The following SCIMP variants were observed in gnomAD, a reference collection of about 807,000 sequenced individuals.
SCIMP encodes SLP adaptor and CSK interacting membrane protein.
A neutral mutation model predicts 22.0 loss-of-function variants in SCIMP; 18 were observed. The observed-to-expected ratio is 0.82, with a 90% confidence interval of 0.56 to 1.21. SCIMP has a LOEUF of 1.21. SCIMP is among the 50% of genes most tolerant of loss of function. The pLI is 0.00. For synonymous variants in SCIMP, 53 were observed against 62.2 expected (o/e 0.85, Z 0.70); for missense variants, 155 against 171.2 (o/e 0.91, Z 0.53).
rs1452567645 is a variant in SCIMP at position 5,209,208 on chromosome 17, C to G, written c.*1593G>C. 3 of 152,258 alleles carry G rather than the reference C, an allele frequency of 2.0e-5. No homozygotes were observed. The South Asian group carries it at 6.2e-4, about 32-fold the overall frequency. The allele number at this position is 152,258 out of a possible 1,614,324, so 9.4% of individuals were successfully genotyped here. A position where few individuals can be genotyped will look rare whatever the true frequency, so the allele number is the denominator to read the frequency against. ...GGAGTGCAATGGCATGTTCTCGGCT[C>G]ACCGCAACCTCCGCCTCCCAGTTTC... is the stretch of plus-strand genomic sequence containing the variant. On this transcript the variant is annotated 3_prime_UTR_variant, in exon 5 of 5. Transcript: ENST00000574081.
intron 1 of SCIMP, among the ~76,000 whole-genome samples, chr17:5,225,882 C>T (rs1363689045): frequency 6.6e-6 from 1 of 151,968 alleles, no homozygotes; most frequent in Admixed American, 6.6e-5. Flanking sequence ...TTGGGGGCAG[C>T]AGTCTTGGGA....
intron 1 of SCIMP, among the ~76,000 whole-genome samples, chr17:5,226,468 A>G (rs899846731): frequency 6.6e-6 from 1 of 151,012 alleles, no homozygotes; most frequent in Admixed American, 6.6e-5. Flanking sequence ...AGTGAAATGG[A>G]CCGCAGAGAG....
intron 1 of SCIMP, among the ~76,000 whole-genome samples, chr17:5,227,139 C>T (rs778746745): frequency 6.6e-6 from 1 of 151,990 alleles, no homozygotes; most frequent in Non-Finnish European, 1.5e-5. Flanking sequence ...ACTGAAGGAT[C>T]GCAAAGAAGT....
intron 1 of SCIMP, among the ~76,000 whole-genome samples, chr17:5,225,510 C>T (rs1375541802): frequency 4.6e-5 from 7 of 152,174 alleles, no homozygotes; most frequent in Non-Finnish European, 1.0e-4. Context: ...CCTGTAATCT[C>T]ATAACTTTGG....
At chr17:5,213,034 C>T (rs1197727994) in intron 4 of SCIMP, 9 of 337,556 alleles carry the variant, frequency 2.7e-5, no homozygotes, top group Non-Finnish European at 3.2e-5. Context: ...TCTGAGCTGA[C>T]ATCTGAAGGA....
intron 3 of SCIMP, chr17:5,220,969 A>T (rs1373958118): frequency 2.5e-6 from 1 of 408,102 alleles, no homozygotes; most frequent in Non-Finnish European, 4.6e-6. Flanking sequence ...GAGGCAGGAG[A>T]ATTGCTTGAA....
chr17:5,231,138 T>A (rs958698699), intron 1 of SCIMP, among the ~76,000 whole-genome samples: 5 of 152,086 alleles, frequency 3.3e-5, no homozygotes, highest in Non-Finnish European at 7.4e-5. Context: ...GGTAGGCAGA[T>A]CACCTGAAGT....
At chr17:5,226,536 G>A (rs1433416904) in intron 1 of SCIMP, among the ~76,000 whole-genome samples, 2 of 132,190 alleles carry the variant, frequency 1.5e-5, no homozygotes, top group Non-Finnish European at 3.1e-5. Context: ...ATGAAGTCTC[G>A]CTCTTGTACC....
At position 5,209,710 on chromosome 17, in the gene SCIMP, G is replaced by A. The variant is rs1464431770; in HGVS notation, c.*1091C>T. 1 of 152,042 alleles carries A rather than the reference G, an allele frequency of 6.6e-6. No individual in the cohort carries two copies. Among genetic ancestry groups the A allele is most frequent in the Non-Finnish European group, 1.5e-5 (1 of 67,966 alleles). 9.4% of individuals were successfully genotyped at this position (152,042 alleles called of 1,614,324 possible). ...GCTAGAAGGAATTGATGAGGTCTAA[G>A]AGCCTATAAAGCTGACTCGGGCCTT... On this transcript the variant is annotated 3_prime_UTR_variant, in exon 5 of 5. Transcript: ENST00000574081.
chr17:5,228,425 C>G (rs2074668466), intron 1 of SCIMP, among the ~76,000 whole-genome samples: 1 of 151,352 alleles, frequency 6.6e-6, no homozygotes, highest in East Asian at 1.9e-4. Flanking sequence ...AGGAGGATCA[C>G]TGAAGGCCAG....
rs1393832581 is a variant in SCIMP at position 5,221,043 on chromosome 17, G to A, written c.209+244C>T. The A allele has an allele frequency of 9.9e-6, 6 of 605,392 alleles. No homozygotes were observed. In the Admixed American group the frequency reaches 1.1e-4, roughly 11 times the overall value. The allele number at this position is 605,392 out of a possible 1,614,324, so 37.5% of individuals were successfully genotyped here. ...AATGCACTCCAGCCTGGGCGACAGAGCAAGACTCCATCTCAAAAAAAAAAA... is the reference window on the plus strand; with the variant it reads ...AATGCACTCCAGCCTGGGCGACAGAACAAGACTCCATCTCAAAAAAAAAAA... On this transcript the variant is annotated intron_variant, in intron 3 of 4. Transcript: ENST00000574081.
At chr17:5,232,009 T>C (rs1254386728) in intron 1 of SCIMP, among the ~76,000 whole-genome samples, 1 of 152,094 alleles carries the variant, frequency 6.6e-6, no homozygotes, top group Non-Finnish European at 1.5e-5. Context: ...TGAGCCGAGA[T>C]TGCGCCACTG....
intron 1 of SCIMP, among the ~76,000 whole-genome samples, chr17:5,227,359 A>G (rs1299984183): frequency 2.0e-5 from 3 of 151,460 alleles, no homozygotes; most frequent in South Asian, 2.1e-4. Context: ...GCATGTGCCT[A>G]TAGTCACAGC....
intron 4 of SCIMP, chr17:5,214,090 A>G (rs2074546320): frequency 6.6e-6 from 1 of 152,280 alleles, no homozygotes; most frequent in Admixed American, 6.5e-5. Context: ...GGGACATAGC[A>G]AGAAGGCAGC....
intron 1 of SCIMP, among the ~76,000 whole-genome samples, chr17:5,224,638 G>A (rs749057301): frequency 4.6e-5 from 7 of 151,690 alleles, no homozygotes; most frequent in South Asian, 2.1e-4. Flanking sequence ...TATATTTTTA[G>A]TAGAGACGGG....
chr17:5,224,206 C>CTCTCTGCAAACTCTGCTTCCTGGGT (rs2074630306), intron 1 of SCIMP, among the ~76,000 whole-genome samples: 2 of 152,116 alleles, frequency 1.3e-5, no homozygotes, highest in African/African-American at 4.8e-5. Context: ...GCGATCTGGG[C>CTCTCTGCAAACTCTGCTTCCTGGGT]TCTCTGCAAA....
Position 5,210,451 on chromosome 17 carries a change from G to T in SCIMP, c.*350C>A. 1 of 208,494 alleles carries T rather than the reference G, an allele frequency of 4.8e-6. No individual in the cohort carries two copies. The highest frequency in any genetic ancestry group is 9.7e-6 in the Non-Finnish European group (1 of 103,016). The allele number at this position is 208,494 out of a possible 1,614,324, so 12.9% of individuals were successfully genotyped here. A position where few individuals can be genotyped will look rare whatever the true frequency, so the allele number is the denominator to read the frequency against. Reference sequence around the variant, plus strand: ...GAGATTTAATATCACTCAGAACCATGCAAACCAAAGGGAATGAAGGGGGAA... The same window carrying T: ...GAGATTTAATATCACTCAGAACCATTCAAACCAAAGGGAATGAAGGGGGAA... On this transcript the variant is annotated 3_prime_UTR_variant, in exon 5 of 5. Coordinates refer to ENST00000574081, the MANE Select transcript of SCIMP (RefSeq NM_207103.3).
chr17:5,226,517 T>G lies in SCIMP; in HGVS notation c.22-3061A>C, dbSNP rs999862579. Among the ~76,000 whole-genome samples, 11 of 150,734 alleles carry G rather than the reference T, an allele frequency of 7.3e-5. 1 individual carries two copies. Among genetic ancestry groups the G allele is most frequent in the African/African-American group, 2.7e-4 (11 of 41,162 alleles). ...TCTTTTTTCTTTCTTTCTTTTTTTT[T>G]TTTTTGAGATGAAGTCTCGCTCTTG... On this transcript the variant is annotated intron_variant, in intron 1 of 4. Transcript: ENST00000574081.
chr17:5,232,565 A>G (rs1196347502), intron 1 of SCIMP, among the ~76,000 whole-genome samples: 1 of 152,062 alleles, frequency 6.6e-6, no homozygotes. Flanking sequence ...TGAGGGTTCG[A>G]ACTAATCTCA....
Sources: gnomAD v4.1 joint callset for allele counts (sites outside exome capture counted in the v4.1 genomes callset) on GRCh38, gnomAD v4.1.1 for gene constraint, MANE v1.5 for transcripts, NCBI Gene and HGNC (gene_info 2026-07-23, HGNC 2026-07-21) for gene names.